The following SLC35F1 variants were observed in gnomAD, a reference collection of about 807,000 sequenced individuals.
The protein encoded by SLC35F1 is solute carrier family 35 member F1.
Under a neutral mutation model 48.7 loss-of-function variants are expected in SLC35F1, and 14 were observed. That is an observed-to-expected ratio of 0.29 (90% CI 0.19 to 0.45). The LOEUF is 0.45. Ranked by LOEUF, SLC35F1 falls within the 20% of genes least tolerant of loss-of-function variation. SLC35F1 has a pLI of 1.00. For missense variants in SLC35F1, 404 were observed against 500.0 expected (o/e 0.81, Z 1.83); for synonymous variants, 190 against 202.2 (o/e 0.94, Z 0.51).
At chr6:118,107,497 T>G (rs1314970393) in intron 1 of SLC35F1, among the ~76,000 whole-genome samples, 1 of 152,208 alleles carries the variant, frequency 6.6e-6, no homozygotes, top group Non-Finnish European at 1.5e-5. Context: ...ACAACTCATA[T>G]ATTAGAAAAG....
chr6:118,197,800 T>C (rs1331223373), intron 2 of SLC35F1, among the ~76,000 whole-genome samples: 2 of 152,166 alleles, frequency 1.3e-5, no homozygotes, highest in Non-Finnish European at 2.9e-5. Flanking sequence ...TGCTTTACAT[T>C]TGAAAAGCTC....
intron 2 of SLC35F1, among the ~76,000 whole-genome samples, chr6:118,233,172 G>T (rs1277750704): frequency 6.6e-6 from 1 of 152,120 alleles, no homozygotes; most frequent in Non-Finnish European, 1.5e-5. Context: ...TCACCACGTT[G>T]GCCAGGATGA....
At chr6:117,995,694 T>C (rs1375752664) in intron 1 of SLC35F1, among the ~76,000 whole-genome samples, 1 of 151,966 alleles carries the variant, frequency 6.6e-6, no homozygotes, top group Non-Finnish European at 1.5e-5. Context: ...TGAGCCTAGA[T>C]TGCACCACTG....
intron 2 of SLC35F1, among the ~76,000 whole-genome samples, chr6:118,164,531 A>T (rs1774287209): frequency 6.6e-6 from 1 of 152,192 alleles, no homozygotes; most frequent in South Asian, 2.1e-4. Context: ...GTATTTCATC[A>T]TTTCATAAGT....
At chr6:117,961,636 AT>A (rs1262783028) in intron 1 of SLC35F1, among the ~76,000 whole-genome samples, 1 of 151,982 alleles carries the variant, frequency 6.6e-6, no homozygotes, top group African/African-American at 2.4e-5. Context: ...CCTGACTGCC[AT>A]TTTTTTTATT....
At chr6:118,088,677 G>C (rs1186355699) in intron 1 of SLC35F1, among the ~76,000 whole-genome samples, 1 of 152,208 alleles carries the variant, frequency 6.6e-6, no homozygotes, top group Admixed American at 6.5e-5. Flanking sequence ...GAGAAAGCAA[G>C]GCTACTGTGT....
intron 1 of SLC35F1, among the ~76,000 whole-genome samples, chr6:117,921,728 A>C (rs1193530658): frequency 6.6e-6 from 1 of 152,162 alleles, no homozygotes; most frequent in Non-Finnish European, 1.5e-5. Context: ...AAGAGACCCT[A>C]ATTATTACTT....
chr6:118,070,584 T>A (rs1005976058), intron 1 of SLC35F1, among the ~76,000 whole-genome samples: 3 of 152,026 alleles, frequency 2.0e-5, no homozygotes, highest in Non-Finnish European at 2.9e-5. Flanking sequence ...TTGCACCACA[T>A]CCTACCCAGC....
chr6:118,104,838 C>T (rs759753445), intron 1 of SLC35F1, among the ~76,000 whole-genome samples: 1 of 152,058 alleles, frequency 6.6e-6, no homozygotes, highest in Non-Finnish European at 1.5e-5. Flanking sequence ...GGAGTAACTC[C>T]CTCCCTCCAA....
intron 1 of SLC35F1, among the ~76,000 whole-genome samples, chr6:117,979,626 T>C (rs1776749372): frequency 6.6e-6 from 1 of 152,180 alleles, no homozygotes; most frequent in African/African-American, 2.4e-5. Context: ...AGAGAAAATC[T>C]TGCTTAAAAC....
intron 1 of SLC35F1, among the ~76,000 whole-genome samples, chr6:118,082,530 G>A (rs2114323612): frequency 6.6e-6 from 1 of 152,116 alleles, no homozygotes; most frequent in African/African-American, 2.4e-5. Context: ...TTGTGATCAG[G>A]CTTCTTTTAG....
intron 1 of SLC35F1, among the ~76,000 whole-genome samples, chr6:118,043,225 T>G (rs1292723315): frequency 6.6e-6 from 1 of 152,154 alleles, no homozygotes; most frequent in Non-Finnish European, 1.5e-5. Flanking sequence ...AAAAATCACT[T>G]TAACATTGAT....
chr6:118,096,155 A>G (rs1773173657), intron 1 of SLC35F1, among the ~76,000 whole-genome samples: 2 of 152,220 alleles, frequency 1.3e-5, no homozygotes, highest in Non-Finnish European at 2.9e-5. Flanking sequence ...CCTTTCCTTC[A>G]ATCAAAAGAA....
rs989311858 is a variant in SLC35F1 at position 118,053,800 on chromosome 6, T to C, written c.174-100645T>C. ...GTAATAAACATCTTAATGTGCATAT[T>C]ATTTTTATGCCTGAGAGATTTTTAG... is the stretch of plus-strand genomic sequence containing the variant. On this transcript the variant is annotated intron_variant, in intron 1 of 7. Coordinates refer to ENST00000360388, the MANE Select transcript of SLC35F1 (RefSeq NM_001029858.4). Among the ~76,000 whole-genome samples, 3 of 152,220 alleles carry C rather than the reference T, an allele frequency of 2.0e-5. No homozygotes were observed. The East Asian group carries it at 5.8e-4, about 29-fold the overall frequency.
At chr6:117,958,004 C>T (rs1776448752) in intron 1 of SLC35F1, among the ~76,000 whole-genome samples, 1 of 152,140 alleles carries the variant, frequency 6.6e-6, no homozygotes, top group Non-Finnish European at 1.5e-5. Context: ...GATGACAGCT[C>T]TATGAGTGTT....
At chr6:118,306,537 A>C (rs1400495192) in intron 7 of SLC35F1, among the ~76,000 whole-genome samples, 16 of 152,196 alleles carry the variant, frequency 1.1e-4, no homozygotes, top group Admixed American at 1.0e-3. Context: ...CAAAAGTCCA[A>C]ACGGAATGAA....
chr6:118,082,066 C>G (rs1002340958), intron 1 of SLC35F1, among the ~76,000 whole-genome samples: 9 of 152,170 alleles, frequency 5.9e-5, no homozygotes, highest in Non-Finnish European at 7.4e-5. Context: ...TTGTCTAAAA[C>G]AGATAATTTC....
At chr6:118,040,854 T>C (rs1772206532) in intron 1 of SLC35F1, among the ~76,000 whole-genome samples, 1 of 151,788 alleles carries the variant, frequency 6.6e-6, no homozygotes, top group African/African-American at 2.4e-5. Context: ...TACATCTCCC[T>C]AACCCCCAAA....
chr6:118,012,334 A>AG (rs1204254177), intron 1 of SLC35F1, among the ~76,000 whole-genome samples: 6 of 151,706 alleles, frequency 4.0e-5, no homozygotes, highest in Admixed American at 3.9e-4. Context: ...GGGAAAAAAA[A>AG]AAAAAAGAAA....
Sources: allele counts gnomAD v4.1 joint callset (sites outside exome capture counted in the v4.1 genomes callset), GRCh38; gene constraint gnomAD v4.1.1; transcripts MANE v1.5; gene names NCBI Gene and HGNC (gene_info 2026-07-23, HGNC 2026-07-21).